Variants in ZEB1 observed in about 807,000 individuals in gnomAD.
The protein encoded by ZEB1 is zinc finger E-box-binding homeobox 1.
ZEB1 carries 21 observed loss-of-function variants against 84.9 expected under a neutral mutation model. That is an observed-to-expected ratio of 0.25 (90% CI 0.18 to 0.36). The LOEUF (loss-of-function observed/expected upper bound fraction) is 0.36, where lower values mean the gene tolerates loss of function less well. Among genes scored for constraint, ZEB1 ranks in the 10% least tolerant of loss-of-function variants. The pLI is 1.00. For synonymous variants in ZEB1, 420 were observed against 471.1 expected, an observed-to-expected ratio of 0.89 and a Z score of 1.41; for missense variants, 1,104 against 1,330.2, an observed-to-expected ratio of 0.83 and a Z score of 2.65.
chr10:31,490,438 A>T (rs1591808850), intron 2 of ZEB1, among the ~76,000 whole-genome samples: 1 of 151,692 alleles, frequency 6.6e-6, no homozygotes, highest in Non-Finnish European at 1.5e-5. Flanking sequence ...CAAGTTCACC[A>T]GTCTTTGCTC....
intron 1 of ZEB1, among the ~76,000 whole-genome samples, chr10:31,391,859 G>A (rs926213833): frequency 1.3e-5 from 2 of 152,034 alleles, no homozygotes; most frequent in African/African-American, 2.4e-5. Flanking sequence ...TGTTTTTACT[G>A]GGGAGAATGT....
rs113576077 is a variant in ZEB1 at position 31,412,965 on chromosome 10, A to G, written c.59-48072A>G. On this transcript the variant is annotated intron_variant, in intron 1 of 8. Transcript: ENST00000424869. ...CTGCAATTGCTTGTCTGGCAAACAG[A>G]CAATTTTTAAAGACTCATATATTTA... 1.7e-4 allele frequency among the ~76,000 whole-genome samples: 26 copies of G among 152,332 alleles called. 1 individual carries two copies. Among genetic ancestry groups the G allele is most frequent in the African/African-American group, 6.3e-4 (26 of 41,588 alleles).
intron 1 of ZEB1, among the ~76,000 whole-genome samples, chr10:31,353,914 G>C (rs2041704582): frequency 6.6e-6 from 1 of 152,092 alleles, no homozygotes; most frequent in Admixed American, 6.6e-5. Context: ...GGTGAATATT[G>C]CTTAAAACAG....
At chr10:31,434,170 T>C (rs1019884405) in intron 1 of ZEB1, among the ~76,000 whole-genome samples, 2 of 152,240 alleles carry the variant, frequency 1.3e-5, no homozygotes, top group African/African-American at 4.8e-5. Context: ...ATTTTTGTTG[T>C]TGATAAGTGG....
intron 7 of ZEB1, among the ~76,000 whole-genome samples, chr10:31,523,671 T>G (rs144327653): frequency 6.6e-6 from 1 of 152,330 alleles, no homozygotes; most frequent in East Asian, 1.9e-4. Context: ...TTGCTTTCTT[T>G]CCAGTACCAG....
At chr10:31,362,327 G>T (rs1226132128) in intron 1 of ZEB1, among the ~76,000 whole-genome samples, 33 of 151,464 alleles carry the variant, frequency 2.2e-4, no homozygotes, top group Non-Finnish European at 3.1e-4. Flanking sequence ...GGACGGGGCG[G>T]TGGCCGAGCA....
chr10:31,319,547 C>T lies in ZEB1; in HGVS notation c.58+255C>T. The T allele has an allele frequency of 1.2e-5, 6 of 520,896 alleles. No homozygotes were observed. The South Asian group carries it at 1.4e-4, about 13-fold the overall frequency. The allele number at this position is 520,896 out of a possible 1,614,324, so 32.3% of individuals were successfully genotyped here. A position where few individuals can be genotyped will look rare whatever the true frequency, so the allele number is the denominator to read the frequency against. On this transcript the variant is annotated intron_variant, in intron 1 of 8. Transcript: ENST00000424869. ...CTCTCCGCCTAGCGGCTCCCGCCGC[C>T]CCTGCCGCCTCCCTGGACCGTTAGC...
chr10:31,378,659 T>C (rs1590582362), intron 1 of ZEB1, among the ~76,000 whole-genome samples: 1 of 151,942 alleles, frequency 6.6e-6, no homozygotes, highest in Non-Finnish European at 1.5e-5. Flanking sequence ...AGGATTTGCT[T>C]ACTGCGGTGT....
At chr10:31,363,607 T>G (rs751509965) in intron 1 of ZEB1, 1 of 1,516,812 alleles carries the variant, frequency 6.6e-7, no homozygotes. Flanking sequence ...CACCTCCGTC[T>G]TCGGGAGCCT....
chr10:31,488,711 T>A (rs1207086834), intron 2 of ZEB1, among the ~76,000 whole-genome samples: 1 of 151,064 alleles, frequency 6.6e-6, no homozygotes, highest in African/African-American at 2.4e-5. Flanking sequence ...CTCCACAGAT[T>A]TTGATGTTTT....
chr10:31,507,239 A>C (rs2139398015), intron 4 of ZEB1, among the ~76,000 whole-genome samples: 1 of 152,074 alleles, frequency 6.6e-6, no homozygotes, highest in East Asian at 1.9e-4. Flanking sequence ...GTGATTGGAC[A>C]CTTTTCTCGT....
chr10:31,423,201 T>C (rs1439973902), intron 1 of ZEB1, among the ~76,000 whole-genome samples: 1 of 152,146 alleles, frequency 6.6e-6, no homozygotes, highest in Non-Finnish European at 1.5e-5. Context: ...TTCATGCAGC[T>C]CTTCTGGAAT....
chr10:31,464,773 C>T (rs2062197942), intron 2 of ZEB1, among the ~76,000 whole-genome samples: 1 of 152,120 alleles, frequency 6.6e-6, no homozygotes, highest in African/African-American at 2.4e-5. Flanking sequence ...CATACTATAC[C>T]CAGCAAAGTT....
intron 1 of ZEB1, among the ~76,000 whole-genome samples, chr10:31,392,550 C>T (rs1054528679): frequency 1.3e-5 from 2 of 151,986 alleles, no homozygotes; most frequent in African/African-American, 4.8e-5. Flanking sequence ...GGTAAGTAAG[C>T]AAGTTCTGTA....
chr10:31,373,807 T>C (rs1183614869), intron 1 of ZEB1, among the ~76,000 whole-genome samples: 1 of 151,856 alleles, frequency 6.6e-6, no homozygotes, highest in African/African-American at 2.4e-5. Context: ...CAGAATCAAA[T>C]TTTGGTGATA....
chr10:31,381,878 G>C (rs902625639), intron 1 of ZEB1: 1 of 152,142 alleles, frequency 6.6e-6, no homozygotes, highest in Admixed American at 6.5e-5. Context: ...GGGTGTGGTG[G>C]TGCACGCCTG....
chr10:31,474,955 G>A (rs1001169792), intron 2 of ZEB1, among the ~76,000 whole-genome samples: 4 of 151,046 alleles, frequency 2.6e-5, no homozygotes, highest in African/African-American at 4.9e-5. Context: ...GTAAACTATC[G>A]CAAGAACAAA....
rs1248480359 is a variant in ZEB1, at chr10:31,482,144, A to T, written c.260-13632A>T. On this transcript the variant is annotated intron_variant, in intron 2 of 8. Coordinates refer to ENST00000424869, the MANE Select transcript of ZEB1 (RefSeq NM_001174096.2). ...CAGATGATCAATTACAGATGATAAT[A>T]TCACCAGTAATAAGACATAGTGACA... Among the ~76,000 whole-genome samples, 10 of 152,206 alleles carry T rather than the reference A, an allele frequency of 6.6e-5. No homozygotes were observed. The East Asian group carries it at 1.9e-3, about 29-fold the overall frequency.
chr10:31,454,857 A>G (rs1215897259), intron 1 of ZEB1, among the ~76,000 whole-genome samples: 1 of 152,228 alleles, frequency 6.6e-6, no homozygotes, highest in Non-Finnish European at 1.5e-5. Flanking sequence ...TTATAGATTC[A>G]ATACTGTCCC....
Sources: allele counts gnomAD v4.1 joint callset (sites outside exome capture counted in the v4.1 genomes callset), GRCh38; gene constraint gnomAD v4.1.1; transcripts MANE v1.5; gene names NCBI Gene and HGNC (gene_info 2026-07-23, HGNC 2026-07-21).